The following TMEM120B variants were observed in gnomAD, a reference collection of about 807,000 sequenced individuals.
TMEM120B encodes the protein transmembrane protein 120B.
Under a neutral mutation model 55.5 loss-of-function variants are expected in TMEM120B, and 31 were observed. The observed-to-expected ratio is 0.56, with a 90% CI of 0.42 to 0.75. TMEM120B has a LOEUF of 0.75. TMEM120B is among the 30% of genes least tolerant of loss of function. The pLI is 0.00. For synonymous variants in TMEM120B, 203 were observed against 176.3 expected (o/e 1.15, Z -1.20); for missense variants, 399 against 425.5 (o/e 0.94, Z 0.55).
At chr12:121,717,135 A>G (rs566255816) in intron 1 of TMEM120B, among the ~76,000 whole-genome samples, 1 of 152,306 alleles carries the variant, frequency 6.6e-6, no homozygotes, top group East Asian at 1.9e-4. Flanking sequence ...GTCTGAGACC[A>G]GTGTGCTCCT....
In TMEM120B at chr12:121,743,917, C is replaced by T. The variant is rs909196201; in HGVS notation, c.188+170C>T. Among the ~76,000 whole-genome samples the T allele has an allele frequency of 9.2e-5, 14 of 152,254 alleles. No individual in the cohort carries two copies. The Middle Eastern group carries it at 0.017, about 185-fold the overall frequency. On this transcript the variant is annotated intron_variant, in intron 2 of 11. Coordinates refer to ENST00000449592, the MANE Select transcript of TMEM120B (RefSeq NM_001080825.2). ...AGGGTGTTTTGGGGCATGTATTTTT[C>T]CCTCTAAATTCTGCCTTCCTCTGGA... is the stretch of plus-strand genomic sequence containing the variant.
In TMEM120B at chr12:121,725,893, C is replaced by T. The variant is rs564236354; in HGVS notation, c.69+12929C>T. ...CTCTACTATAAATACAAGAATTAGC[C>T]GGGTGTGGTGATGCGTACCTGTAGT... On this transcript the variant is annotated intron_variant, in intron 1 of 11. Transcript: ENST00000449592. Among the ~76,000 whole-genome samples, 12 of 151,840 alleles carry T rather than the reference C, an allele frequency of 7.9e-5. No homozygotes were observed. The South Asian group carries it at 1.7e-3, about 21-fold the overall frequency.
chr12:121,748,104 GGC>G (rs1491460169), intron 2 of TMEM120B, among the ~76,000 whole-genome samples: 2 of 35,122 alleles, frequency 5.7e-5, no homozygotes, highest in African/African-American at 2.4e-4. Context: ...GAAGGTGGGA[GGC>G]TGGGGTAGAA....
intron 1 of TMEM120B, among the ~76,000 whole-genome samples, chr12:121,735,210 A>T (rs1895085607): frequency 6.6e-6 from 1 of 151,380 alleles, no homozygotes; most frequent in Non-Finnish European, 1.5e-5. Context: ...ACAAAAAAAA[A>T]AACCCAGAAA....
At chr12:121,728,438 G>A (rs1894937841) in intron 1 of TMEM120B, among the ~76,000 whole-genome samples, 1 of 151,120 alleles carries the variant, frequency 6.6e-6, no homozygotes, top group African/African-American at 2.4e-5. Context: ...GCAGTGAGCC[G>A]AGATTACGCC....
intron 4 of TMEM120B, 113 bp from the exon 5 acceptor site, chr12:121,752,012 CCTT>C (rs145188075): frequency 0.047 from 38,663 of 816,782 alleles, 1,234 homozygotes; most frequent in African/African-American, 0.13. Context: ...ATGGGAAGGT[CCTT>C]ATGGGCCATG....
At position 121,779,235 on chromosome 12, in the gene TMEM120B, G is replaced by A. The variant is rs1474654624; in HGVS notation, c.*3513G>A. The A allele has an allele frequency of 1.9e-6, 1 of 522,298 alleles. No individual in the cohort carries two copies. The highest frequency in any genetic ancestry group is 3.2e-5 in the East Asian group (1 of 31,604). 32.4% of individuals were successfully genotyped at this position (522,298 alleles called of 1,614,324 possible). On this transcript the variant is annotated 3_prime_UTR_variant, in exon 12 of 12. Transcript: ENST00000449592. The stretch of plus-strand genomic sequence containing the variant: ...GGAGACACTCGTGGTGGGGGTGGCT[G>A]TGATGAGGGCACTTGCGAGTCCCGA...
intron 1 of TMEM120B, among the ~76,000 whole-genome samples, chr12:121,724,949 G>C (rs1429010416): frequency 6.6e-6 from 1 of 152,116 alleles, no homozygotes; most frequent in African/African-American, 2.4e-5. Flanking sequence ...AGTTCTATAG[G>C]CTCCATGTCA....
chr12:121,775,412 C>T lies in TMEM120B; in HGVS notation c.907-197C>T. On this transcript the variant is annotated intron_variant, in intron 11 of 11. Coordinates refer to ENST00000449592, the MANE Select transcript of TMEM120B (RefSeq NM_001080825.2). The surrounding 1 kb of genome is among the most constrained non-coding windows in gnomAD (Gnocchi z 4.3). ...TCTGTGGATCCCAAGGAGGTTCGCC[C>T]CATCGAGCCCTTCCCAGGCCCTGCC... 1 of 984,412 alleles carries T rather than the reference C, an allele frequency of 1.0e-6. No individual in the cohort carries two copies. Among genetic ancestry groups the T allele is most frequent in the Non-Finnish European group, 1.2e-6 (1 of 829,130 alleles). 61.0% of individuals were successfully genotyped at this position (984,412 alleles called of 1,614,324 possible).
chr12:121,759,998 G>T (rs1037153758), intron 5 of TMEM120B, among the ~76,000 whole-genome samples: 1 of 151,548 alleles, frequency 6.6e-6, no homozygotes, highest in Non-Finnish European at 1.5e-5. Context: ...GGGCATCATG[G>T]TGTGCACCCA....
At chr12:121,749,722 A>G (rs919279251) in intron 3 of TMEM120B, among the ~76,000 whole-genome samples, 21 of 152,102 alleles carry the variant, frequency 1.4e-4, no homozygotes, top group Admixed American at 1.1e-3. Context: ...CCTGGCCAAC[A>G]TGGTGAAACC....
In TMEM120B at chr12:121,773,479, C is replaced by G; in HGVS notation, c.738C>G (p.Ala246=). 6.2e-7 allele frequency: 1 copy of G among 1,606,416 alleles called. No individual in the cohort carries two copies. The highest frequency in any genetic ancestry group is 8.5e-7 in the Non-Finnish European group (1 of 1,176,160). Residue 246 remains alanine, a synonymous_variant, in exon 9 of 12, where the codon GCC becomes GCG. Coordinates refer to ENST00000449592, the MANE Select transcript of TMEM120B (RefSeq NM_001080825.2). ...GGGGCTGCCTCTACCGGCTGCGGGC[C>G]CTGGGGGAGAGGAACCACCTGGATC... ...YQRGCLYRLR[A]LGERNHLDLT...
At position 121,761,630 on chromosome 12, in the gene TMEM120B, G is replaced by T; in HGVS notation, c.462-19G>T. ...GTTCTCACGCCCGCACCCCTCCCGG[G>T]GGCTGTTTCCTTGCACAGGGTGACT... is the stretch of plus-strand genomic sequence containing the variant. On this transcript the variant is annotated intron_variant, in intron 5 of 11. Coordinates refer to ENST00000449592, the MANE Select transcript of TMEM120B (RefSeq NM_001080825.2). The T allele has an allele frequency of 6.2e-7, 1 of 1,607,874 alleles. No individual in the cohort carries two copies.
rs1894623330 is a variant in TMEM120B at position 121,712,795 on chromosome 12, C to G, written c.-101C>G. 1 of 860,000 alleles carries G rather than the reference C, an allele frequency of 1.2e-6. No homozygotes were observed. Among genetic ancestry groups the G allele is most frequent in the Non-Finnish European group, 1.6e-6 (1 of 639,996 alleles). 53.3% of individuals were successfully genotyped at this position (860,000 alleles called of 1,614,324 possible). ...GGCTGCGCAGGAACAGCTGGTGCCTCCGAGGGCGGTCGGCGAGCGCGCGGG... is the reference window on the plus strand; with the variant it reads ...GGCTGCGCAGGAACAGCTGGTGCCTGCGAGGGCGGTCGGCGAGCGCGCGGG... On this transcript the variant is annotated 5_prime_UTR_variant, in exon 1 of 12. Transcript: ENST00000449592.
At chr12:121,734,767 G>C (rs1203935318) in intron 1 of TMEM120B, among the ~76,000 whole-genome samples, 2 of 151,960 alleles carry the variant, frequency 1.3e-5, no homozygotes, top group African/African-American at 4.8e-5. Flanking sequence ...ACAAAAATTA[G>C]CTGGGCGTGA....
At chr12:121,736,703 C>A (rs781623251) in intron 1 of TMEM120B, among the ~76,000 whole-genome samples, 40 of 152,114 alleles carry the variant, frequency 2.6e-4, no homozygotes, top group Admixed American at 1.7e-3. Flanking sequence ...GCATGCACCA[C>A]CACACTAATT....
intron 5 of TMEM120B, among the ~76,000 whole-genome samples, chr12:121,756,782 C>T (rs1240479192): frequency 3.9e-5 from 6 of 152,212 alleles, no homozygotes; most frequent in Non-Finnish European, 7.3e-5. Flanking sequence ...AACCTTTGCT[C>T]ACAGAGTTCG....
chr12:121,756,666 G>A (rs1224055358), intron 5 of TMEM120B, among the ~76,000 whole-genome samples: 2 of 152,202 alleles, frequency 1.3e-5, no homozygotes, highest in African/African-American at 2.4e-5. Context: ...TTCACCAACT[G>A]TAAGGGCCCT....
intron 6 of TMEM120B, among the ~76,000 whole-genome samples, chr12:121,766,809 G>T (rs897525994): frequency 2.6e-5 from 4 of 152,236 alleles, no homozygotes; most frequent in African/African-American, 9.6e-5. Flanking sequence ...ATTACAGTTA[G>T]TTCTGGGCCA....
Sources: gnomAD v4.1 joint callset for allele counts (sites outside exome capture counted in the v4.1 genomes callset) on GRCh38, gnomAD v4.1.1 for gene constraint, Gnocchi (gnomAD v3.1) non-coding constraint, MANE v1.5 for transcripts, NCBI Gene and HGNC (gene_info 2026-07-23, HGNC 2026-07-21) for gene names.